Variants in FSTL5 observed in about 807,000 individuals in gnomAD.
FSTL5 encodes follistatin-related protein 5.
Under a neutral mutation model 89.1 loss-of-function variants are expected in FSTL5, and 62 were observed. The ratio of observed to expected loss-of-function variants is 0.70; its 90% CI spans 0.57 to 0.86. The LOEUF (loss-of-function observed/expected upper bound fraction) is 0.86. FSTL5 is among the 40% of genes least tolerant of loss of function. The probability of loss-of-function intolerance (pLI) is 0.00; values close to 1 mark genes in which losing one functional copy is unlikely to be tolerated. For synonymous variants in FSTL5, 383 were observed against 346.2 expected (o/e 1.11, Z -1.18); for missense variants, 1,057 against 1,001.6 (o/e 1.06, Z -0.75).
chr4:161,725,104 G>A (rs1375790541), intron 6 of FSTL5, among the ~76,000 whole-genome samples: 1 of 152,116 alleles, frequency 6.6e-6, no homozygotes, highest in Admixed American at 6.5e-5. Flanking sequence ...GCTGAGGCAG[G>A]AGAATCACTT....
At chr4:161,936,020 T>C (rs539245254) in intron 3 of FSTL5, among the ~76,000 whole-genome samples, 1 of 152,198 alleles carries the variant, frequency 6.6e-6, no homozygotes, top group East Asian at 1.9e-4. Context: ...CTGTCTCTAC[T>C]AAAAATACAA....
chr4:162,118,217 G>A (rs1025598298), intron 1 of FSTL5, among the ~76,000 whole-genome samples: 14 of 151,890 alleles, frequency 9.2e-5, no homozygotes, highest in African/African-American at 2.9e-4. Context: ...GAACTCTGTG[G>A]TTGAATTCTA....
At chr4:161,569,677 A>G (rs752350742) in intron 8 of FSTL5, among the ~76,000 whole-genome samples, 1 of 152,062 alleles carries the variant, frequency 6.6e-6, no homozygotes, top group Non-Finnish European at 1.5e-5. Context: ...TATGCTGGAT[A>G]AAGTTTATTT....
chr4:161,547,763 G>A (rs1278172094), intron 8 of FSTL5, among the ~76,000 whole-genome samples: 1 of 151,798 alleles, frequency 6.6e-6, no homozygotes, highest in Non-Finnish European at 1.5e-5. Flanking sequence ...AGTATGATAA[G>A]GGTTATCTTA....
intron 4 of FSTL5, among the ~76,000 whole-genome samples, chr4:161,848,035 T>TAAAA (rs1731425605): frequency 1.5e-4 from 1 of 6,756 alleles, no homozygotes; most frequent in East Asian, 0.019. Context: ...AGACTCCGTC[T>TAAAA]CAAAAAAAAA....
chr4:161,408,779 T>C (rs899713156), intron 15 of FSTL5, among the ~76,000 whole-genome samples: 1 of 152,158 alleles, frequency 6.6e-6, no homozygotes, highest in East Asian at 1.9e-4. Context: ...AATTGTATAA[T>C]ACAATCAGAA....
intron 3 of FSTL5, among the ~76,000 whole-genome samples, chr4:161,946,880 T>C (rs946425440): frequency 2.6e-5 from 4 of 152,152 alleles, no homozygotes; most frequent in African/African-American, 9.7e-5. Flanking sequence ...ACCTGTTAAA[T>C]CTTAGACTTG....
chr4:161,982,209 G>A (rs1560951181), intron 3 of FSTL5, among the ~76,000 whole-genome samples: 2 of 152,086 alleles, frequency 1.3e-5, no homozygotes, highest in East Asian at 1.9e-4. Context: ...GTGTTATGAC[G>A]GTCTGTGTTA....
chr4:161,827,408 A>C (rs1156479742), intron 4 of FSTL5, among the ~76,000 whole-genome samples: 1 of 152,092 alleles, frequency 6.6e-6, no homozygotes, highest in Non-Finnish European at 1.5e-5. Context: ...TGTTTATTGC[A>C]CTAGTTTTGT....
intron 2 of FSTL5, among the ~76,000 whole-genome samples, chr4:162,097,208 G>C (rs966266398): frequency 1.3e-5 from 2 of 151,682 alleles, no homozygotes; most frequent in African/African-American, 2.4e-5. Flanking sequence ...ATCTTAAATT[G>C]GGTGTAACTG....
intron 2 of FSTL5, among the ~76,000 whole-genome samples, chr4:162,038,378 C>A (rs547811553): frequency 3.2e-4 from 49 of 151,946 alleles, no homozygotes; most frequent in South Asian, 8.3e-4. Context: ...TTAGCAAAGA[C>A]AATCTGGGAA....
intron 3 of FSTL5, among the ~76,000 whole-genome samples, chr4:162,000,602 A>T (rs900511334): frequency 1.3e-5 from 2 of 150,790 alleles, no homozygotes; most frequent in Admixed American, 1.3e-4. Context: ...AGTCTAAAAA[A>T]AAAAAAAACA....
At chr4:161,502,458 T>C (rs989904831) in intron 11 of FSTL5, among the ~76,000 whole-genome samples, 1 of 151,900 alleles carries the variant, frequency 6.6e-6, no homozygotes, top group Admixed American at 6.6e-5. Flanking sequence ...AGATTTAGTT[T>C]TTTATTTGAC....
At chr4:161,521,010 T>A (rs1731002376) in intron 10 of FSTL5, among the ~76,000 whole-genome samples, 2 of 152,326 alleles carry the variant, frequency 1.3e-5, no homozygotes, top group South Asian at 4.1e-4. Flanking sequence ...TCTCTGTGAT[T>A]TCATTTTGAA....
chr4:162,151,598 C>T (rs995688661), intron 1 of FSTL5, among the ~76,000 whole-genome samples: 2 of 152,070 alleles, frequency 1.3e-5, no homozygotes, highest in African/African-American at 4.8e-5. Flanking sequence ...GGCATCTTGT[C>T]ACATTCTATT....
At chr4:161,491,394 T>G (rs1729868250) in intron 12 of FSTL5, among the ~76,000 whole-genome samples, 1 of 151,918 alleles carries the variant, frequency 6.6e-6, no homozygotes, top group Non-Finnish European at 1.5e-5. Context: ...CAGAGTTAAG[T>G]TTTGAATGTA....
At chr4:162,136,481 T>C (rs940114855) in intron 1 of FSTL5, among the ~76,000 whole-genome samples, 6 of 151,934 alleles carry the variant, frequency 3.9e-5, no homozygotes, top group African/African-American at 1.4e-4. Flanking sequence ...GATATAAGGG[T>C]TCCTATAAAA....
At chr4:161,674,739 T>C (rs1737242337) in intron 6 of FSTL5, among the ~76,000 whole-genome samples, 1 of 152,100 alleles carries the variant, frequency 6.6e-6, no homozygotes, top group African/African-American at 2.4e-5. Flanking sequence ...TAACATTTTA[T>C]CAGGAAAAAT....
At chr4:161,425,863 T>C (rs1170142876) in intron 15 of FSTL5, among the ~76,000 whole-genome samples, 3 of 152,090 alleles carry the variant, frequency 2.0e-5, no homozygotes, top group Non-Finnish European at 4.4e-5. Flanking sequence ...TTCTCTCTCT[T>C]TTTCTCTCTC....
Sources: gnomAD v4.1 joint callset for allele counts (sites outside exome capture counted in the v4.1 genomes callset) on GRCh38, gnomAD v4.1.1 for gene constraint, MANE v1.5 for transcripts, NCBI Gene and HGNC (gene_info 2026-07-23, HGNC 2026-07-21) for gene names.